The following LPP variants were observed in gnomAD, a reference collection of about 807,000 sequenced individuals.
The protein encoded by LPP is LIM domain containing preferred translocation partner in lipoma, also known as lipoma-preferred partner.
LPP carries 38 observed loss-of-function variants against 60.4 expected under a neutral mutation model. That is an observed-to-expected ratio of 0.63 (90% CI 0.49 to 0.83). The LOEUF (loss-of-function observed/expected upper bound fraction) is 0.83, where lower values mean the gene tolerates loss of function less well. LPP is among the 40% of genes least tolerant of loss of function. The pLI, the probability that LPP is intolerant of heterozygous loss-of-function variation, is 0.00. For synonymous variants in LPP, 328 were observed against 290.8 expected, an observed-to-expected ratio of 1.13 and a Z score of -1.30; for missense variants, 902 against 783.6, an observed-to-expected ratio of 1.15 and a Z score of -1.80.
At chr3:188,291,323 A>G (rs1411205849) in intron 2 of LPP, among the ~76,000 whole-genome samples, 1 of 152,096 alleles carries the variant, frequency 6.6e-6, no homozygotes, top group Non-Finnish European at 1.5e-5. Context: ...AGTGTTTTTC[A>G]TGTCATTAAG....
intron 9 of LPP, among the ~76,000 whole-genome samples, chr3:188,773,062 T>C (rs1736603673): frequency 1.3e-5 from 2 of 152,140 alleles, no homozygotes; most frequent in African/African-American, 4.8e-5. Context: ...TCATAAGAGC[T>C]ACTACACTCA....
At position 188,890,453 on chromosome 3, in the gene LPP, G is replaced by A; in HGVS notation, c.*15974G>A. The A allele has an allele frequency of 5.1e-6, 1 of 196,442 alleles. No homozygotes were observed. The highest frequency in any genetic ancestry group is 1.1e-5 in the Non-Finnish European group (1 of 94,814). The allele number at this position is 196,442 out of a possible 1,614,324, so 12.2% of individuals were successfully genotyped here. A position where few individuals can be genotyped will look rare whatever the true frequency, so the allele number is the denominator to read the frequency against. ...GTATGAAAATAAGAGAATAAAATCTGTTATAAGCAAGTGATTTAGGTATTT... is the reference window on the plus strand; with the variant it reads ...GTATGAAAATAAGAGAATAAAATCTATTATAAGCAAGTGATTTAGGTATTT... On this transcript the variant is annotated 3_prime_UTR_variant, in exon 12 of 12. Transcript: ENST00000617246.
chr3:188,171,148 C>T (rs1035080427), intron 1 of LPP, among the ~76,000 whole-genome samples: 17 of 152,246 alleles, frequency 1.1e-4, no homozygotes, highest in African/African-American at 3.4e-4. Flanking sequence ...ACTCTCAGGG[C>T]CTTTTAACTA....
At position 188,216,396 on chromosome 3, in the gene LPP, G is replaced by C. The variant is rs997104858; in HGVS notation, c.-189-9009G>C. On this transcript the variant is annotated intron_variant, in intron 1 of 11. Transcript: ENST00000617246. ...AGCCATTCTCCTGCCTCAGCCTCCC[G>C]AGTAGCTAGGACTACAGGCACTTGC... Among the ~76,000 whole-genome samples the C allele has an allele frequency of 2.7e-5, 4 of 150,720 alleles. No homozygotes were observed. The East Asian group carries it at 8.0e-4, about 30-fold the overall frequency.
At chr3:188,337,271 G>C (rs1761924321) in intron 2 of LPP, among the ~76,000 whole-genome samples, 1 of 152,216 alleles carries the variant, frequency 6.6e-6, no homozygotes. Flanking sequence ...AGACGGCATA[G>C]CGCAGTAGCT....
chr3:188,222,117 G>C (rs1343243588), intron 1 of LPP, among the ~76,000 whole-genome samples: 1 of 152,152 alleles, frequency 6.6e-6, no homozygotes, highest in Non-Finnish European at 1.5e-5. Flanking sequence ...TTATTAGTGT[G>C]TGTGTTTCAA....
At chr3:188,805,000 G>T (rs1300104696) in intron 9 of LPP, among the ~76,000 whole-genome samples, 1 of 151,960 alleles carries the variant, frequency 6.6e-6, no homozygotes, top group Non-Finnish European at 1.5e-5. Flanking sequence ...GGTAACACTG[G>T]TTAATTTTTA....
intron 4 of LPP, among the ~76,000 whole-genome samples, chr3:188,413,929 T>C (rs1785500580): frequency 6.6e-6 from 1 of 152,158 alleles, no homozygotes; most frequent in African/African-American, 2.4e-5. Flanking sequence ...CCAAATATGA[T>C]GATAAATGTG....
chr3:188,516,858 G>A (rs990889462), intron 5 of LPP, among the ~76,000 whole-genome samples: 5 of 152,020 alleles, frequency 3.3e-5, no homozygotes, highest in Non-Finnish European at 7.4e-5. Context: ...CCTCCTGGTG[G>A]TTCTGTATAG....
chr3:188,392,558 G>A (rs1204489855), intron 3 of LPP, among the ~76,000 whole-genome samples: 1 of 152,144 alleles, frequency 6.6e-6, no homozygotes, highest in Non-Finnish European at 1.5e-5. Flanking sequence ...AGGAAACATA[G>A]AGGTTGTTAA....
At position 188,447,468 on chromosome 3, in the gene LPP, G is replaced by T. The variant is rs150682713; in HGVS notation, c.194-37124G>T. 9.6e-3 allele frequency among the ~76,000 whole-genome samples: 1,455 copies of T among 152,138 alleles called. 24 individuals are homozygous for T. The highest frequency in any genetic ancestry group is 0.033 in the African/African-American group (1,365 of 41,510). On this transcript the variant is annotated intron_variant, in intron 4 of 11. Transcript: ENST00000617246. ...CTACTAAAAATACAAAAATTAGTCA[G>T]GCATGGTGGCAGGTGCCTGTAATCC...
chr3:188,819,000 G>A (rs1388468775), intron 9 of LPP, among the ~76,000 whole-genome samples: 1 of 150,114 alleles, frequency 6.7e-6, no homozygotes, highest in Non-Finnish European at 1.5e-5. Context: ...TTACCTTTCT[G>A]TCTAAAGAGT....
intron 9 of LPP, among the ~76,000 whole-genome samples, chr3:188,842,080 T>G (rs966288967): frequency 5.9e-5 from 9 of 152,200 alleles, no homozygotes; most frequent in African/African-American, 1.9e-4. Context: ...TCCAATACTG[T>G]GTTGAATAGG....
intron 1 of LPP, among the ~76,000 whole-genome samples, chr3:188,176,755 A>G (rs982400032): frequency 6.6e-6 from 1 of 152,240 alleles, no homozygotes; most frequent in Admixed American, 6.5e-5. Context: ...GTCACTGAAC[A>G]TATACCTGGC....
At chr3:188,662,043 A>G (rs1005139351) in intron 7 of LPP, among the ~76,000 whole-genome samples, 2 of 152,278 alleles carry the variant, frequency 1.3e-5, no homozygotes, top group African/African-American at 4.8e-5. Context: ...GAGAGAGAAG[A>G]GAAAGGAAAA....
intron 2 of LPP, among the ~76,000 whole-genome samples, chr3:188,331,132 G>A (rs947119533): frequency 1.3e-5 from 2 of 152,072 alleles, no homozygotes; most frequent in Admixed American, 6.6e-5. Flanking sequence ...CTTGAGGATG[G>A]TGCTATCTCA....
intron 5 of LPP, among the ~76,000 whole-genome samples, chr3:188,516,368 A>G (rs1817364507): frequency 6.6e-6 from 1 of 152,132 alleles, no homozygotes; most frequent in Admixed American, 6.5e-5. Flanking sequence ...TCCACTGAAC[A>G]TTACCAGGAT....
At chr3:188,230,187 G>C (rs1719359979) in intron 2 of LPP, among the ~76,000 whole-genome samples, 1 of 151,902 alleles carries the variant, frequency 6.6e-6, no homozygotes, top group Admixed American at 6.6e-5. Flanking sequence ...CAGGATTCAA[G>C]AGATTCTCTT....
chr3:188,334,311 AT>A lies in LPP; in HGVS notation c.-66-7350del, dbSNP rs1460717825. The stretch of plus-strand genomic sequence containing the variant: ...TTGATTCCTTATCTTGGCTGTTATA[AT>A]TAGTGCTGCAATAAACATGGGAATG... On this transcript the variant is annotated intron_variant, in intron 2 of 11. Transcript: ENST00000617246. 2.7e-5 allele frequency among the ~76,000 whole-genome samples: 4 copies of A among 149,938 alleles called. No homozygotes were observed. In the East Asian group the frequency reaches 5.9e-4, roughly 22 times the overall value.
Sources: gnomAD v4.1 joint callset for allele counts (sites outside exome capture counted in the v4.1 genomes callset) on GRCh38, gnomAD v4.1.1 for gene constraint, MANE v1.5 for transcripts, NCBI Gene and HGNC (gene_info 2026-07-23, HGNC 2026-07-21) for gene names.